SIPA1L3: variants seen among roughly 807,000 people sequenced by gnomAD.
SIPA1L3 encodes the protein signal-induced proliferation-associated 1-like protein 3.
A neutral mutation model predicts 150.1 loss-of-function variants in SIPA1L3; 59 were observed. The ratio of observed to expected loss-of-function variants is 0.39; its 90% CI spans 0.32 to 0.49. The LOEUF (loss-of-function observed/expected upper bound fraction) is 0.49. Among genes scored for constraint, SIPA1L3 ranks in the 20% least tolerant of loss-of-function variants. SIPA1L3 has a pLI of 0.86. For missense variants in SIPA1L3, 2,211 were observed against 2,489.5 expected (o/e 0.89, Z 2.38); for synonymous variants, 1,070 against 1,077.6 (o/e 0.99, Z 0.14).
intron 2 of SIPA1L3, among the ~76,000 whole-genome samples, chr19:38,076,095 G>A (rs933646286): frequency 6.6e-6 from 1 of 151,676 alleles, no homozygotes; most frequent in African/African-American, 2.4e-5. Context: ...AGCTGAGATC[G>A]CACCACTGCA....
intron 2 of SIPA1L3, among the ~76,000 whole-genome samples, chr19:38,038,185 T>C (rs1968832676): frequency 6.6e-6 from 1 of 152,122 alleles, no homozygotes; most frequent in South Asian, 2.1e-4. Context: ...GGGCAGGTTC[T>C]GGGTACGGTT....
intron 1 of SIPA1L3, among the ~76,000 whole-genome samples, chr19:38,022,672 C>T (rs1968401543): frequency 6.6e-6 from 1 of 152,146 alleles, no homozygotes; most frequent in African/African-American, 2.4e-5. Context: ...GGTGCCACTG[C>T]ACTCCAGCCT....
chr19:38,153,175 C>T (rs1039975031), intron 13 of SIPA1L3, among the ~76,000 whole-genome samples: 9 of 152,214 alleles, frequency 5.9e-5, no homozygotes, highest in African/African-American at 2.2e-4. Context: ...GACAGGGCAT[C>T]GGCAGGTGGC....
chr19:37,986,811 ACT>A (rs1599870324), intron 1 of SIPA1L3, among the ~76,000 whole-genome samples: 2 of 151,950 alleles, frequency 1.3e-5, no homozygotes, highest in South Asian at 2.1e-4. Flanking sequence ...CTTCAGGGAC[ACT>A]CTCTGAATTC....
intron 2 of SIPA1L3, among the ~76,000 whole-genome samples, chr19:38,073,429 G>A (rs1049247329): frequency 8.5e-5 from 13 of 152,342 alleles, no homozygotes; most frequent in South Asian, 4.1e-4. Flanking sequence ...ATAGTCTTCC[G>A]TTACTCGCAG....
intron 13 of SIPA1L3, among the ~76,000 whole-genome samples, chr19:38,160,444 C>T (rs1244599139): frequency 2.0e-5 from 3 of 151,470 alleles, no homozygotes; most frequent in Admixed American, 2.0e-4. Context: ...GCTTAGTCTC[C>T]AGGCTGGAGT....
At chr19:38,098,375 G>C (rs980632145) in intron 4 of SIPA1L3, among the ~76,000 whole-genome samples, 2 of 151,310 alleles carry the variant, frequency 1.3e-5, no homozygotes, top group African/African-American at 4.9e-5. Flanking sequence ...GAAGTGGGCA[G>C]GTGGAAAGGG....
At chr19:37,983,232 G>C (rs1967244605) in intron 1 of SIPA1L3, among the ~76,000 whole-genome samples, 1 of 152,218 alleles carries the variant, frequency 6.6e-6, no homozygotes, top group African/African-American at 2.4e-5. Context: ...ATCTGGGCTA[G>C]AGAGGCAGTG....
intron 9 of SIPA1L3, among the ~76,000 whole-genome samples, chr19:38,129,674 G>A (rs1971263777): frequency 6.6e-6 from 1 of 151,662 alleles, no homozygotes; most frequent in African/African-American, 2.4e-5. Flanking sequence ...TATAATGTGA[G>A]TTCCCAACCT....
At chr19:38,059,985 G>C (rs1330464196) in intron 2 of SIPA1L3, among the ~76,000 whole-genome samples, 2 of 152,164 alleles carry the variant, frequency 1.3e-5, no homozygotes, top group African/African-American at 4.8e-5. Flanking sequence ...ATGTTGGCCA[G>C]GCTGGTCTCG....
intron 10 of SIPA1L3, among the ~76,000 whole-genome samples, chr19:38,138,012 TC>T (rs1971474898): frequency 6.6e-6 from 1 of 151,980 alleles, no homozygotes; most frequent in Non-Finnish European, 1.5e-5. Flanking sequence ...GCACCTGTAG[TC>T]CCAGCTACTC....
rs772218121 is a variant in SIPA1L3 at position 38,083,015 on chromosome 19, C to G, written c.1450C>G (p.Arg484Gly). The part of the protein sequence containing the change: ...SVLEVPKEQQ[R>G]TQSRPRQYSI... ...GTTGGAAGTTCCCAAGGAGCAGCAGCGGACGCAGAGTCGGCCCCGGCAGTA... is the reference window on the plus strand; with the variant it reads ...GTTGGAAGTTCCCAAGGAGCAGCAGGGGACGCAGAGTCGGCCCCGGCAGTA... Residue 484 changes from arginine to glycine, a missense_variant, in exon 3 of 22, where the codon CGG becomes GGG. Physicochemically the swap from Arg to Gly is moderately radical, Grantham distance 125. This residue lies in a region of SIPA1L3 where 587 missense variants were observed against 534.5 expected (regional missense o/e 1.10). Coordinates refer to ENST00000222345, the MANE Select transcript of SIPA1L3 (RefSeq NM_015073.3). The G allele has an allele frequency of 3.1e-6, 5 of 1,613,264 alleles. No individual in the cohort carries two copies. The highest frequency in any genetic ancestry group is 4.2e-6 in the Non-Finnish European group (5 of 1,180,004).
At chr19:38,026,741 T>TA (rs1472841826) in intron 1 of SIPA1L3, among the ~76,000 whole-genome samples, 2 of 152,128 alleles carry the variant, frequency 1.3e-5, no homozygotes, top group African/African-American at 4.8e-5. Context: ...GATGGAAGAT[T>TA]AGTGGGTCAC....
rs559890896 is a variant in SIPA1L3 at position 38,005,151 on chromosome 19, C to T, written c.-378-23938C>T. Among the ~76,000 whole-genome samples the T allele has an allele frequency of 2.0e-4, 31 of 152,242 alleles. No individual in the cohort carries two copies. In the Middle Eastern group the frequency reaches 0.01, roughly 50 times the overall value. On this transcript the variant is annotated intron_variant, in intron 1 of 21. Coordinates refer to ENST00000222345, the MANE Select transcript of SIPA1L3 (RefSeq NM_015073.3). ...ATGAAGTCATTGCTCCCTCTGTCCC[C>T]TGCCACGTGCCTACTATAACATCTT...
chr19:38,195,225 G>A (rs1259669278), intron 18 of SIPA1L3, among the ~76,000 whole-genome samples: 2 of 151,948 alleles, frequency 1.3e-5, no homozygotes, highest in East Asian at 1.9e-4. Context: ...TGTTCTCTCC[G>A]CCCGCCATGC....
chr19:38,104,874 A>G (rs1439226501), intron 6 of SIPA1L3, among the ~76,000 whole-genome samples: 1 of 151,410 alleles, frequency 6.6e-6, no homozygotes, highest in Admixed American at 6.6e-5. Flanking sequence ...CCTGGCCAGG[A>G]AGTGGGTTCT....
At chr19:37,914,505 G>T (rs1202090493) in intron 1 of SIPA1L3, among the ~76,000 whole-genome samples, 2 of 151,958 alleles carry the variant, frequency 1.3e-5, no homozygotes, top group African/African-American at 4.8e-5. Flanking sequence ...AAGGAGCTGG[G>T]ATTACAGGAA....
At position 38,081,588 on chromosome 19, in the gene SIPA1L3, C is replaced by T; in HGVS notation, c.23C>T (p.Pro8Leu). The change falls in exon 3 of 22, where the codon CCC becomes CTC. Residue 8 changes from proline to leucine, a missense_variant. This residue lies in a region of SIPA1L3 where 130 missense variants were observed against 174.5 expected (regional missense o/e 0.74). Transcript: ENST00000222345. ...ACTATGACCACCTATCGGGCCATCCCCAGCGATGGTGTGGACCTGGCAGCC... is the reference window on the plus strand; with the variant it reads ...ACTATGACCACCTATCGGGCCATCCTCAGCGATGGTGTGGACCTGGCAGCC... MTTYRAI[P>L]SDGVDLAASC... 6.3e-7 allele frequency: 1 copy of T among 1,593,084 alleles called. No individual in the cohort carries two copies. Among genetic ancestry groups the T allele is most frequent in the Non-Finnish European group, 8.6e-7 (1 of 1,166,070 alleles).
chr19:38,127,737 A>G lies in SIPA1L3; in HGVS notation c.2869-2761A>G, dbSNP rs150645931. Among the ~76,000 whole-genome samples the G allele has an allele frequency of 1.0e-2, 1,517 of 152,142 alleles. 30 individuals carry two copies. The highest frequency in any genetic ancestry group is 0.032 in the African/African-American group (1,344 of 41,516). On this transcript the variant is annotated intron_variant, in intron 9 of 21. Transcript: ENST00000222345. ...TCATCTTGAACTCCTGGGCTCAAGCAGTCCTCCTGCCTTGGCCTCCTAAAA... is the reference window on the plus strand; with the variant it reads ...TCATCTTGAACTCCTGGGCTCAAGCGGTCCTCCTGCCTTGGCCTCCTAAAA...
Sources: allele counts gnomAD v4.1 joint callset (sites outside exome capture counted in the v4.1 genomes callset), GRCh38; gene constraint gnomAD v4.1.1; regional missense constraint gnomAD v4.1.1; transcripts MANE v1.5; gene names NCBI Gene and HGNC (gene_info 2026-07-23, HGNC 2026-07-21).